Variants in MAST2 observed in about 807,000 individuals in gnomAD.
MAST2 encodes the protein microtubule-associated serine/threonine-protein kinase 2.
Under a neutral mutation model 147.4 loss-of-function variants are expected in MAST2, and 70 were observed. The ratio of observed to expected loss-of-function variants is 0.47; its 90% CI spans 0.39 to 0.58. MAST2 has a LOEUF of 0.58. MAST2 is among the 20% of genes least tolerant of loss of function. The probability of loss-of-function intolerance (pLI) is 0.00; values close to 1 mark genes in which losing one functional copy is unlikely to be tolerated. For missense variants in MAST2, 2,080 were observed against 2,302.3 expected (o/e 0.90, Z 1.98); for synonymous variants, 869 against 896.8 (o/e 0.97, Z 0.55).
At chr1:46,000,995 A>T (rs1235205658) in intron 6 of MAST2, 1 of 1,289,244 alleles carries the variant, frequency 7.8e-7, no homozygotes, top group Non-Finnish European at 1.0e-6. Flanking sequence ...AGCGGGTATA[A>T]TGGGGAGAGG....
intron 7 of MAST2, among the ~76,000 whole-genome samples, chr1:46,003,528 C>T (rs1182892894): frequency 2.0e-5 from 3 of 151,674 alleles, no homozygotes; most frequent in Admixed American, 6.6e-5. Context: ...AGTGCAGTGG[C>T]GCAATCACGG....
At chr1:46,018,303 A>G (rs1646042628) in intron 10 of MAST2, among the ~76,000 whole-genome samples, 2 of 151,878 alleles carry the variant, frequency 1.3e-5, no homozygotes, top group African/African-American at 2.4e-5. Flanking sequence ...GGACTCCCAC[A>G]TGTGGCTGCC....
At chr1:45,808,603 A>T (rs1644207451) in intron 1 of MAST2, among the ~76,000 whole-genome samples, 1 of 152,090 alleles carries the variant, frequency 6.6e-6, no homozygotes, top group Non-Finnish European at 1.5e-5. Flanking sequence ...CTTTCAAACC[A>T]TTATTCCCAT....
At chr1:45,870,514 TTA>T (rs35057731) in intron 3 of MAST2, among the ~76,000 whole-genome samples, 43,343 of 147,982 alleles carry the variant, frequency 0.29, 6,412 homozygotes, top group South Asian at 0.39. Context: ...ATCAATTTGT[TTA>T]TATATATATA....
chr1:45,812,425 C>CT (rs35095652), intron 1 of MAST2, among the ~76,000 whole-genome samples: 1,254 of 121,650 alleles, frequency 0.01, 21 homozygotes, highest in African/African-American at 0.02. Flanking sequence ...ATCTGTAAGC[C>CT]TTTTTTTTTT....
chr1:45,995,621 A>G (rs914815190), intron 5 of MAST2, among the ~76,000 whole-genome samples: 1 of 152,054 alleles, frequency 6.6e-6, no homozygotes, highest in Admixed American at 6.6e-5. Flanking sequence ...GTGTTTTGCC[A>G]TGTTGCTTAG....
intron 1 of MAST2, among the ~76,000 whole-genome samples, chr1:45,817,347 CAT>C (rs1308851229): frequency 1.3e-5 from 2 of 152,052 alleles, no homozygotes; most frequent in African/African-American, 4.8e-5. Flanking sequence ...ACACAAATAA[CAT>C]ACAATGGAGC....
chr1:45,981,732 C>T (rs923603442), intron 5 of MAST2, among the ~76,000 whole-genome samples: 2 of 152,086 alleles, frequency 1.3e-5, no homozygotes, highest in African/African-American at 2.4e-5. Context: ...AGATTTCTTT[C>T]ATTGTCATAA....
chr1:46,034,963 C>G lies in MAST2; in HGVS notation c.4294C>G (p.Leu1432Val), dbSNP rs1462313349. The G allele has an allele frequency of 2.5e-6, 4 of 1,614,124 alleles. No individual in the cohort carries two copies. Among genetic ancestry groups the G allele is most frequent in the Non-Finnish European group, 3.4e-6 (4 of 1,180,036 alleles). Residue 1432 changes from leucine to valine, a missense_variant, in exon 29 of 29, where the codon CTG (leucine) becomes GTG (valine). Transcript: ENST00000361297. ...LATSRKHSLDLPHSELKKELP... is the reference protein window; with the variant it reads ...LATSRKHSLDVPHSELKKELP... ...CACTTCTCGCAAGCACAGCCTTGACCTGCCCCACTCTGAACTAAAGAAGGA... is the reference window on the plus strand; with the variant it reads ...CACTTCTCGCAAGCACAGCCTTGACGTGCCCCACTCTGAACTAAAGAAGGA...
intron 5 of MAST2, among the ~76,000 whole-genome samples, chr1:45,973,206 C>T (rs750582441): frequency 1.3e-5 from 2 of 151,652 alleles, no homozygotes; most frequent in Non-Finnish European, 2.9e-5. Flanking sequence ...TTTCGATACA[C>T]CCGTAGTTGA....
At chr1:45,988,268 C>T (rs1018699052) in intron 5 of MAST2, among the ~76,000 whole-genome samples, 5 of 152,108 alleles carry the variant, frequency 3.3e-5, no homozygotes, top group South Asian at 2.1e-4. Context: ...CACACCTTGG[C>T]GTCCCAAAGT....
chr1:45,989,319 G>A (rs1644769933), intron 5 of MAST2, among the ~76,000 whole-genome samples: 1 of 152,094 alleles, frequency 6.6e-6, no homozygotes, highest in Non-Finnish European at 1.5e-5. Flanking sequence ...GTGTATAGCA[G>A]TATCAAAATT....
At chr1:45,820,395 A>AT (rs969257275) in intron 1 of MAST2, among the ~76,000 whole-genome samples, 15 of 151,524 alleles carry the variant, frequency 9.9e-5, no homozygotes, top group South Asian at 8.3e-4. Context: ...GTTTTTTAGA[A>AT]TTTTTTTTTG....
At chr1:45,889,276 T>C (rs2148379271) in intron 4 of MAST2, among the ~76,000 whole-genome samples, 1 of 152,166 alleles carries the variant, frequency 6.6e-6, no homozygotes, top group East Asian at 1.9e-4. Flanking sequence ...GCCCCAGCCT[T>C]CCTGGGCTCA....
In MAST2 at chr1:46,030,650, G is replaced by A. The variant is rs367655419; in HGVS notation, c.2597G>A (p.Arg866Gln). 267 of 1,611,610 alleles carry A rather than the reference G, an allele frequency of 1.7e-4. No homozygotes were observed. Among genetic ancestry groups the A allele is most frequent in the South Asian group, 4.6e-4 (42 of 90,514 alleles). ...MERLSLLEER[R>Q]TPPPTKRSLS... The stretch of plus-strand genomic sequence containing the variant: ...CGGCTCTCACTGCTCGAGGAGCGCC[G>A]GACACCACCCCCGACCAAGCGCAGC... Residue 866 changes from arginine to glutamine, a missense_variant, in exon 22 of 29, where the codon CGG (arginine) becomes CAG (glutamine). Physicochemically the swap from Arg to Gln is conservative, Grantham distance 43. Transcript: ENST00000361297.
chr1:46,030,916 C>A, intron 22 of MAST2, 91 bp from the exon 23 acceptor site: 1 of 1,506,680 alleles, frequency 6.6e-7, no homozygotes, highest in South Asian at 1.3e-5. Context: ...GAGGAAAGTT[C>A]TGTTACTATA....
chr1:45,827,199 GCCATCTT>G (rs1644820850), intron 2 of MAST2, among the ~76,000 whole-genome samples: 2 of 152,140 alleles, frequency 1.3e-5, no homozygotes, highest in African/African-American at 4.8e-5. Context: ...TGCTTGGTCT[GCCATCTT>G]TAACTGAGAA....
chr1:46,033,563 T>C (rs1646770504), intron 26 of MAST2, among the ~76,000 whole-genome samples: 1 of 152,194 alleles, frequency 6.6e-6, no homozygotes, highest in Non-Finnish European at 1.5e-5. Flanking sequence ...TGGGTAGGGC[T>C]GCAGAATGGG....
At chr1:45,938,580 G>A (rs1352543011) in intron 4 of MAST2, among the ~76,000 whole-genome samples, 2 of 152,146 alleles carry the variant, frequency 1.3e-5, no homozygotes, top group African/African-American at 4.8e-5. Flanking sequence ...TCCTGTCTTG[G>A]CCTCCCAAAG....
Sources: allele counts gnomAD v4.1 joint callset (sites outside exome capture counted in the v4.1 genomes callset), GRCh38; gene constraint gnomAD v4.1.1; transcripts MANE v1.5; gene names NCBI Gene and HGNC (gene_info 2026-07-23, HGNC 2026-07-21).